PTPRD: variants seen among roughly 807,000 people sequenced by gnomAD.
PTPRD encodes protein tyrosine phosphatase receptor type D.
Under a neutral mutation model 214.5 loss-of-function variants are expected in PTPRD, and 34 were observed. That is an observed-to-expected ratio of 0.16 (90% CI 0.12 to 0.21). The LOEUF (loss-of-function observed/expected upper bound fraction) is 0.21, where lower values mean the gene tolerates loss of function less well. PTPRD is among the 10% of genes least tolerant of loss of function. The pLI, the probability that PTPRD is intolerant of heterozygous loss-of-function variation, is 1.00. For synonymous variants in PTPRD, 1,128 were observed against 845.7 expected, an observed-to-expected ratio of 1.33 and a Z score of -5.79; for missense variants, 2,545 against 2,398.7, an observed-to-expected ratio of 1.06 and a Z score of -1.27.
chr9:10,492,032 AG>A (rs1272697717), intron 2 of PTPRD, among the ~76,000 whole-genome samples: 2 of 152,134 alleles, frequency 1.3e-5, no homozygotes, highest in Non-Finnish European at 2.9e-5. Flanking sequence ...GTCCCTGCAA[AG>A]GATGTGAACT....
intron 11 of PTPRD, among the ~76,000 whole-genome samples, chr9:8,805,596 T>C (rs2096660182): frequency 6.6e-6 from 1 of 151,672 alleles, no homozygotes; most frequent in South Asian, 2.1e-4. Context: ...TTTTTATTTT[T>C]TATTATTATT....
rs111563597 is a variant in PTPRD at position 9,843,261 on chromosome 9, T to C, written c.-367-76410A>G. ...TTTGTAGACAAGGCGGAAATCATAA[T>C]ATCGCTTAGGGACTTGGTTCCGGGC... On this transcript the variant is annotated intron_variant, in intron 5 of 45. Coordinates refer to ENST00000381196, the MANE Select transcript of PTPRD (RefSeq NM_002839.4). 3.3e-5 allele frequency among the ~76,000 whole-genome samples: 5 copies of C among 152,176 alleles called. No individual in the cohort carries two copies. The South Asian group carries it at 1.0e-3, about 31-fold the overall frequency.
At chr9:8,452,334 T>C (rs892669734) in intron 33 of PTPRD, among the ~76,000 whole-genome samples, 2 of 152,218 alleles carry the variant, frequency 1.3e-5, no homozygotes, top group African/African-American at 4.8e-5. Context: ...GCTAGAATGA[T>C]TGTTTTCTAA....
At chr9:10,341,937 C>G (rs901244091) in intron 2 of PTPRD, among the ~76,000 whole-genome samples, 1 of 151,932 alleles carries the variant, frequency 6.6e-6, no homozygotes, top group Non-Finnish European at 1.5e-5. Flanking sequence ...TGGTATCTTT[C>G]ACAGTGGTTT....
intron 5 of PTPRD, among the ~76,000 whole-genome samples, chr9:9,858,795 A>T (rs2062060852): frequency 1.3e-5 from 2 of 152,238 alleles, no homozygotes; most frequent in South Asian, 4.1e-4. Context: ...ATCAACAGTT[A>T]CTTTTAGACC....
chr9:9,200,752 C>T (rs991830477), intron 9 of PTPRD, among the ~76,000 whole-genome samples: 2 of 152,172 alleles, frequency 1.3e-5, no homozygotes, highest in African/African-American at 4.8e-5. Flanking sequence ...ATCAACAATG[C>T]TTTTGCAGTG....
intron 8 of PTPRD, among the ~76,000 whole-genome samples, chr9:9,522,435 G>A (rs998266347): frequency 6.6e-6 from 1 of 152,030 alleles, no homozygotes; most frequent in African/African-American, 2.4e-5. Flanking sequence ...CAGATAGAAC[G>A]AAAACAAGTA....
chr9:10,161,027 TGTAGGA>T (rs1290473262), intron 3 of PTPRD, among the ~76,000 whole-genome samples: 1 of 151,858 alleles, frequency 6.6e-6, no homozygotes, highest in Non-Finnish European at 1.5e-5. Flanking sequence ...ATAAAAATCC[TGTAGGA>T]GAAAACTACA....
At chr9:9,026,828 C>T (rs2099588983) in intron 10 of PTPRD, among the ~76,000 whole-genome samples, 1 of 151,836 alleles carries the variant, frequency 6.6e-6, no homozygotes, top group Admixed American at 6.6e-5. Flanking sequence ...CTACCGACCC[C>T]ATTCTCCAAA....
chr9:8,712,097 T>G (rs921161127), intron 12 of PTPRD, among the ~76,000 whole-genome samples: 4 of 152,192 alleles, frequency 2.6e-5, no homozygotes, highest in Admixed American at 1.3e-4. Flanking sequence ...TATATAAATT[T>G]TTTTAAATCG....
At chr9:9,008,461 T>C (rs200637965) in intron 11 of PTPRD, among the ~76,000 whole-genome samples, 1 of 151,850 alleles carries the variant, frequency 6.6e-6, no homozygotes, top group Non-Finnish European at 1.5e-5. Flanking sequence ...CTCCTGACCT[T>C]GTGATCCACC....
At chr9:9,166,200 C>T (rs540375145) in intron 10 of PTPRD, among the ~76,000 whole-genome samples, 1 of 150,180 alleles carries the variant, frequency 6.7e-6, no homozygotes, top group African/African-American at 2.5e-5. Flanking sequence ...GTTTCTGATC[C>T]TTTCAATGTT....
chr9:8,482,159 C>A (rs576905769), intron 30 of PTPRD, among the ~76,000 whole-genome samples: 2 of 152,258 alleles, frequency 1.3e-5, no homozygotes, highest in Admixed American at 6.5e-5. Context: ...ATACACACAA[C>A]GTTAAACTCA....
At chr9:8,550,054 ATCAG>A in intron 14 of PTPRD, among the ~76,000 whole-genome samples, 1 of 152,298 alleles carries the variant, frequency 6.6e-6, no homozygotes, top group Admixed American at 6.5e-5. Context: ...ATAACAGGGA[ATCAG>A]TCAGAATTGA....
At chr9:8,549,654 T>C (rs1163138101) in intron 14 of PTPRD, among the ~76,000 whole-genome samples, 1 of 152,116 alleles carries the variant, frequency 6.6e-6, no homozygotes, top group African/African-American at 2.4e-5. Context: ...GAGAAAGTAA[T>C]GCAACTTTGA....
chr9:9,891,137 C>A (rs370045853), intron 5 of PTPRD, among the ~76,000 whole-genome samples: 1 of 152,004 alleles, frequency 6.6e-6, no homozygotes, highest in Non-Finnish European at 1.5e-5. Flanking sequence ...GAAATGTAGA[C>A]GGGATTGTAG....
intron 11 of PTPRD, among the ~76,000 whole-genome samples, chr9:8,983,420 G>A (rs1049411084): frequency 2.8e-4 from 43 of 152,048 alleles, no homozygotes; most frequent in African/African-American, 9.9e-4. Context: ...GTAATAGCAA[G>A]AGTCTCAACC....
chr9:8,680,451 A>T (rs928082691), intron 12 of PTPRD, among the ~76,000 whole-genome samples: 1 of 152,222 alleles, frequency 6.6e-6, no homozygotes, highest in Non-Finnish European at 1.5e-5. Context: ...TTCTGACATC[A>T]TAAGTGACTG....
chr9:9,518,409 A>G (rs2096887243), intron 8 of PTPRD, among the ~76,000 whole-genome samples: 1 of 152,260 alleles, frequency 6.6e-6, no homozygotes, highest in Non-Finnish European at 1.5e-5. Context: ...TATAATGTAT[A>G]GATGTAGATG....
Sources: gnomAD v4.1 joint callset for allele counts (sites outside exome capture counted in the v4.1 genomes callset) on GRCh38, gnomAD v4.1.1 for gene constraint, MANE v1.5 for transcripts, NCBI Gene and HGNC (gene_info 2026-07-23, HGNC 2026-07-21) for gene names.